The following CCDC148 variants were observed in gnomAD, a reference collection of about 807,000 sequenced individuals.
CCDC148 encodes the protein coiled-coil domain containing 148, also known as coiled-coil domain-containing protein 148.
Under a neutral mutation model 85.7 loss-of-function variants are expected in CCDC148, and 89 were observed. The ratio of observed to expected loss-of-function variants is 1.04; its 90% CI spans 0.87 to 1.24. The LOEUF (loss-of-function observed/expected upper bound fraction) is 1.24. CCDC148 is among the 50% of genes most tolerant of loss of function. The pLI is 0.00. For missense variants in CCDC148, 692 were observed against 671.7 expected (o/e 1.03, Z -0.33); for synonymous variants, 230 against 213.9 (o/e 1.08, Z -0.66).
At chr2:158,230,873 G>A (rs1311439001) in intron 10 of CCDC148, among the ~76,000 whole-genome samples, 3 of 152,162 alleles carry the variant, frequency 2.0e-5, no homozygotes, top group Non-Finnish European at 2.9e-5. Flanking sequence ...GATTCCATGT[G>A]AAGATTGCAG....
intron 10 of CCDC148, among the ~76,000 whole-genome samples, chr2:158,245,459 T>A (rs969713558): frequency 6.6e-6 from 1 of 152,172 alleles, no homozygotes; most frequent in African/African-American, 2.4e-5. Flanking sequence ...CACTCCTCAA[T>A]TGCACAAAGT....
At chr2:158,430,530 G>T (rs186820148) in intron 1 of CCDC148, among the ~76,000 whole-genome samples, 140 of 152,190 alleles carry the variant, frequency 9.2e-4, no homozygotes, top group African/African-American at 3.2e-3. Context: ...TTAAACAGAA[G>T]AAATAAGACC....
chr2:158,306,390 G>A (rs1691687603), intron 9 of CCDC148, among the ~76,000 whole-genome samples: 1 of 151,996 alleles, frequency 6.6e-6, no homozygotes, highest in Non-Finnish European at 1.5e-5. Flanking sequence ...TATGTTTATT[G>A]CAGCACTATT....
At chr2:158,397,455 G>T (rs1490079184) in intron 1 of CCDC148, among the ~76,000 whole-genome samples, 4 of 152,158 alleles carry the variant, frequency 2.6e-5, no homozygotes, top group Non-Finnish European at 5.9e-5. Flanking sequence ...CAAGCCAGAA[G>T]AGAGTGGGGG....
chr2:158,223,199 C>T (rs1223687583), intron 10 of CCDC148, among the ~76,000 whole-genome samples: 2 of 152,176 alleles, frequency 1.3e-5, no homozygotes, highest in Non-Finnish European at 2.9e-5. Flanking sequence ...GGGTCCTACG[C>T]CCACGGATCC....
chr2:158,299,372 C>G (rs914594663), intron 9 of CCDC148, among the ~76,000 whole-genome samples: 2 of 152,212 alleles, frequency 1.3e-5, no homozygotes, highest in Non-Finnish European at 2.9e-5. Flanking sequence ...TTTGGAGGCT[C>G]TTTATCTGCC....
chr2:158,366,705 G>C (rs745476680), intron 1 of CCDC148, among the ~76,000 whole-genome samples: 2 of 152,168 alleles, frequency 1.3e-5, no homozygotes, highest in African/African-American at 4.8e-5. Flanking sequence ...TTCCTGCCAC[G>C]CTGGCCTAGA....
intron 9 of CCDC148, among the ~76,000 whole-genome samples, chr2:158,281,529 G>T (rs999784175): frequency 1.2e-4 from 18 of 152,162 alleles, no homozygotes; most frequent in South Asian, 4.2e-4. Context: ...AAATCCAGAA[G>T]AAATGGATAA....
intron 7 of CCDC148, among the ~76,000 whole-genome samples, chr2:158,323,602 C>T (rs940876647): frequency 2.0e-5 from 3 of 152,090 alleles, no homozygotes; most frequent in Admixed American, 1.3e-4. Flanking sequence ...GTGTGGTAAG[C>T]GGGGAAAGCT....
intron 12 of CCDC148, 45 bp downstream of exon 12, chr2:158,178,834 T>C: frequency 7.4e-7 from 1 of 1,352,680 alleles, no homozygotes; most frequent in Non-Finnish European, 1.1e-6. Context: ...TTAGAAACAT[T>C]TTTTTTAAAA....
intron 9 of CCDC148, among the ~76,000 whole-genome samples, chr2:158,268,278 G>C (rs1455306439): frequency 1.3e-5 from 2 of 152,048 alleles, no homozygotes; most frequent in African/African-American, 4.8e-5. Context: ...AGTTTTCTGG[G>C]GGAGAGGGGT....
intron 9 of CCDC148, among the ~76,000 whole-genome samples, chr2:158,284,235 C>A (rs1022436463): frequency 1.5e-4 from 23 of 151,550 alleles, no homozygotes; most frequent in Non-Finnish European, 2.6e-4. Context: ...CGTAACTAAC[C>A]TGCACATTGT....
intron 9 of CCDC148, among the ~76,000 whole-genome samples, chr2:158,260,912 A>G (rs570282080): frequency 6.6e-6 from 1 of 152,208 alleles, no homozygotes; most frequent in South Asian, 2.1e-4. Flanking sequence ...GATAGGAAGA[A>G]TCAATATTAT....
At chr2:158,240,199 A>C (rs1304351427) in intron 10 of CCDC148, among the ~76,000 whole-genome samples, 1 of 151,866 alleles carries the variant, frequency 6.6e-6, no homozygotes. Context: ...ACATGTTTCC[A>C]GGGTCTAAGA....
intron 9 of CCDC148, among the ~76,000 whole-genome samples, chr2:158,293,287 T>G (rs1309045811): frequency 1.3e-5 from 2 of 152,094 alleles, no homozygotes; most frequent in African/African-American, 4.8e-5. Flanking sequence ...CCAGAGAAAG[T>G]TGCACTGGTA....
intron 7 of CCDC148, among the ~76,000 whole-genome samples, chr2:158,332,541 G>GCCTT (rs1297960772): frequency 1.3e-5 from 2 of 148,374 alleles, no homozygotes; most frequent in African/African-American, 5.0e-5. Context: ...GATGATGCTG[G>GCCTT]CCTTATAAAA....
At chr2:158,280,883 C>G (rs1010255763) in intron 9 of CCDC148, among the ~76,000 whole-genome samples, 14 of 152,148 alleles carry the variant, frequency 9.2e-5, no homozygotes, top group African/African-American at 2.9e-4. Flanking sequence ...GGAAGTAAAG[C>G]TCTCCTCAGC....
intron 9 of CCDC148, among the ~76,000 whole-genome samples, chr2:158,284,242 T>A (rs918974934): frequency 2.0e-5 from 3 of 151,860 alleles, no homozygotes; most frequent in African/African-American, 7.3e-5. Context: ...AACCTGCACA[T>A]TGTGCACATG....
chr2:158,301,879 C>G (rs1041967270), intron 9 of CCDC148, among the ~76,000 whole-genome samples: 1 of 152,012 alleles, frequency 6.6e-6, no homozygotes, highest in African/African-American at 2.4e-5. Flanking sequence ...GTTCTTGGGA[C>G]GATAATGTAG....
Sources: allele counts gnomAD v4.1 joint callset (sites outside exome capture counted in the v4.1 genomes callset), GRCh38; gene constraint gnomAD v4.1.1; transcripts MANE v1.5; gene names NCBI Gene and HGNC (gene_info 2026-07-23, HGNC 2026-07-21).